CCNB3: variants seen among roughly 807,000 people sequenced by gnomAD.
CCNB3 encodes the protein G2/mitotic-specific cyclin-B3.
Under a neutral mutation model 68.0 loss-of-function variants are expected in CCNB3, and 12 were observed. The observed-to-expected ratio is 0.18, with a 90% CI of 0.11 to 0.29. CCNB3 has a LOEUF of 0.29. Ranked by LOEUF, CCNB3 falls within the 10% of genes least tolerant of loss-of-function variation. The pLI is 1.00. For synonymous variants in CCNB3, 354 were observed against 388.9 expected, an observed-to-expected ratio of 0.91 and a Z score of 1.06; for missense variants, 904 against 993.1, an observed-to-expected ratio of 0.91 and a Z score of 1.21.
intron 1 of CCNB3, among the ~76,000 whole-genome samples, chrX:50,228,082 T>A (rs1297645034): frequency 1.2e-5 from 1 of 80,829 alleles, no homozygotes; most frequent in Non-Finnish European, 2.3e-5. Context: ...ATATAAATAT[T>A]TAGAGAATAT....
chrX:50,335,393 T>C (rs1922798635), intron 8 of CCNB3, among the ~76,000 whole-genome samples: 1 of 111,692 alleles, frequency 9.0e-6, no homozygotes, highest in African/African-American at 3.3e-5. Flanking sequence ...GGGTGCAGAG[T>C]CACTGTAGCT....
At position 50,308,524 on chromosome X, in the gene CCNB3, C is replaced by G; in HGVS notation, c.355C>G (p.Pro119Ala). Residue 119 changes from proline to alanine, a missense_variant, in exon 6 of 13, where the codon CCA becomes GCA. Transcript: ENST00000376042. ...NLKWHKLEVT[P>A]VVASTTVVPN... is the part of the protein sequence containing the mutation. ...TCACAGGCATAAGCTGGAAGTCACA[C>G]CAGTAGTAGCCTCTACTACCGTGGT... 3.3e-6 allele frequency: 4 copies of G among 1,194,597 alleles called. No individual in the cohort carries two copies. The highest frequency in any genetic ancestry group is 3.4e-6 in the Non-Finnish European group (3 of 882,639).
rs781932652 is a variant in CCNB3 at position 50,344,954 on chromosome X, G to A, written c.3655-1698G>A. Among the ~76,000 whole-genome samples the A allele has an allele frequency of 2.1e-3, 227 of 110,640 alleles. 1 individual carries two copies. The highest frequency in any genetic ancestry group is 7.3e-3 in the African/African-American group (223 of 30,393). ...CAGAGAGTTGGCAACTTTTACCAAGGATTTCAAAGAACTTTAGAACTGTGG... is the reference window on the plus strand; with the variant it reads ...CAGAGAGTTGGCAACTTTTACCAAGAATTTCAAAGAACTTTAGAACTGTGG... On this transcript the variant is annotated intron_variant, in intron 9 of 12. Transcript: ENST00000376042.
chrX:50,279,546 T>C (rs1485039518), intron 1 of CCNB3, among the ~76,000 whole-genome samples: 2 of 85,225 alleles, frequency 2.3e-5, no homozygotes, highest in East Asian at 6.9e-4. Flanking sequence ...TATATTCATA[T>C]ATATAAATAT....
chrX:50,206,726 G>A (rs1935372689), intron 1 of CCNB3, among the ~76,000 whole-genome samples: 1 of 109,567 alleles, frequency 9.1e-6, no homozygotes, highest in Non-Finnish European at 1.9e-5. Flanking sequence ...ACCAGCCTGG[G>A]CAACAGAGCA....
chrX:50,344,107 A>G (rs926155421), intron 9 of CCNB3, among the ~76,000 whole-genome samples: 3 of 112,454 alleles, frequency 2.7e-5, no homozygotes, highest in Non-Finnish European at 5.6e-5. Context: ...TAGCCTAAAC[A>G]AATACCATTG....
At chrX:50,347,803 G>C in intron 11 of CCNB3, 28 bp downstream of exon 11, 1 of 1,182,583 alleles carries the variant, frequency 8.5e-7, no homozygotes, top group Non-Finnish European at 1.1e-6. Flanking sequence ...AGGGGTATAG[G>C]GGTAGAGATT....
intron 4 of CCNB3, among the ~76,000 whole-genome samples, chrX:50,290,530 G>A (rs1936330496): frequency 8.9e-6 from 1 of 112,148 alleles, no homozygotes; most frequent in Admixed American, 9.4e-5. Flanking sequence ...ATTTCAAAGG[G>A]ACACAAATAT....
At chrX:50,228,831 T>G (rs1366265019) in intron 1 of CCNB3, among the ~76,000 whole-genome samples, 2 of 63,567 alleles carry the variant, frequency 3.1e-5, no homozygotes, top group East Asian at 4.6e-4. Flanking sequence ...AGAATATATA[T>G]AGAATACATA....
At chrX:50,284,347 T>A (rs897591825) in intron 1 of CCNB3, among the ~76,000 whole-genome samples, 195 bp from the exon 2 acceptor site, 2 of 111,624 alleles carry the variant, frequency 1.8e-5, no homozygotes, top group Non-Finnish European at 3.8e-5. Context: ...TGTCATTTGG[T>A]GTGAAGTTAC....
At chrX:50,297,756 C>T (rs1386613243) in intron 5 of CCNB3, among the ~76,000 whole-genome samples, 21 of 111,498 alleles carry the variant, frequency 1.9e-4, no homozygotes, top group Non-Finnish European at 3.4e-4. Flanking sequence ...ATTCTTCCTA[C>T]CCATGAGCAT....
intron 1 of CCNB3, among the ~76,000 whole-genome samples, chrX:50,225,724 G>T (rs1325178851): frequency 9.2e-6 from 1 of 109,015 alleles, no homozygotes; most frequent in Non-Finnish European, 1.9e-5. Flanking sequence ...TCAATAAAAG[G>T]TTTGATGTGG....
At chrX:50,341,754 C>T (rs1923158276) in intron 8 of CCNB3, 1 of 119,574 alleles carries the variant, frequency 8.4e-6, no homozygotes, top group South Asian at 2.9e-4. Context: ...GGTGTCTGCT[C>T]CCAATTGATA....
intron 5 of CCNB3, among the ~76,000 whole-genome samples, chrX:50,295,947 C>T (rs1324942446): frequency 9.0e-6 from 1 of 111,169 alleles, no homozygotes; most frequent in Non-Finnish European, 1.9e-5. Context: ...ATAACACGCA[C>T]AGTCCACAGG....
chrX:50,205,229 C>G lies in CCNB3; in HGVS notation c.-113+279C>G, dbSNP rs782599533. On this transcript the variant is annotated intron_variant, in intron 1 of 12. Transcript: ENST00000376042. ...GGCCGGGGCGGGCAGATCACCTGAG[C>G]TCAGGAATTCGAGACCAGCTTGACC... 2.7e-5 allele frequency among the ~76,000 whole-genome samples: 3 copies of G among 111,908 alleles called. No individual in the cohort carries two copies. The South Asian group carries it at 1.1e-3, about 42-fold the overall frequency.
At chrX:50,314,786 A>G (rs1557215538) in intron 8 of CCNB3, among the ~76,000 whole-genome samples, 3 of 110,824 alleles carry the variant, frequency 2.7e-5, no homozygotes, top group Non-Finnish European at 5.7e-5. Context: ...GTGAAACAGA[A>G]CCCAAAGATT....
At chrX:50,226,260 A>ATATATATAGAATATATATATT (rs1935783870) in intron 1 of CCNB3, among the ~76,000 whole-genome samples, 4 of 65,610 alleles carry the variant, frequency 6.1e-5, no homozygotes, top group East Asian at 4.7e-4. Flanking sequence ...ATATATATTT[A>ATATATATAGAATATATATATT]TATATATAGA....
At position 50,312,607 on chromosome X, in the gene CCNB3, T is replaced by C; in HGVS notation, c.3398T>C (p.Ile1133Thr). The C allele has an allele frequency of 8.3e-7, 1 of 1,202,076 alleles. No homozygotes were observed. The highest frequency in any genetic ancestry group is 1.1e-6 in the Non-Finnish European group (1 of 888,573). ...TTCAACCCAATGTATGCCAAGGAAA[T>C]CTTCAGTTACATGAAAGAGAGAGAG... The part of the protein sequence containing the change: ...PSFNPMYAKE[I>T]FSYMKEREEQ... The change falls in exon 7 of 13, where the codon ATC becomes ACC. Residue 1133 changes from isoleucine (I) to threonine (T), a missense_variant. Around this residue, in one of 2 missense-constraint regions of CCNB3, gnomAD observed 285 missense variants for 383.4 expected, o/e 0.74. Coordinates refer to ENST00000376042, the MANE Select transcript of CCNB3 (RefSeq NM_033031.3).
At position 50,333,750 on chromosome X, in the gene CCNB3, G is replaced by C. The variant is rs1300921079; in HGVS notation, c.3517-8452G>C. The stretch of plus-strand genomic sequence containing the variant: ...GGTCAGATGTTTGAGGGAGTAAGGG[G>C]GCTGCTACCAATGCCTGGTAAGGGG... On this transcript the variant is annotated intron_variant, in intron 8 of 12. Transcript: ENST00000376042. 3.6e-5 allele frequency among the ~76,000 whole-genome samples: 4 copies of C among 110,658 alleles called. No individual in the cohort carries two copies. The East Asian group carries it at 1.1e-3, about 32-fold the overall frequency.
Sources: gnomAD v4.1 joint callset for allele counts (sites outside exome capture counted in the v4.1 genomes callset) on GRCh38, gnomAD v4.1.1 for gene constraint, gnomAD v4.1.1 regional missense constraint, MANE v1.5 for transcripts, NCBI Gene and HGNC (gene_info 2026-07-23, HGNC 2026-07-21) for gene names.